The following ADAMTSL1 variants were observed in gnomAD, a reference collection of about 807,000 sequenced individuals.
ADAMTSL1 encodes the protein ADAMTS-like protein 1.
Under a neutral mutation model 201.8 loss-of-function variants are expected in ADAMTSL1, and 126 were observed. The observed-to-expected ratio is 0.62, with a 90% CI of 0.54 to 0.72. The LOEUF (loss-of-function observed/expected upper bound fraction) is 0.72. Among genes scored for constraint, ADAMTSL1 ranks in the 30% least tolerant of loss-of-function variants. The pLI, the probability that ADAMTSL1 is intolerant of heterozygous loss-of-function variation, is 0.00. For synonymous variants in ADAMTSL1, 1,121 were observed against 903.4 expected (o/e 1.24, Z -4.32); for missense variants, 2,679 against 2,277.8 (o/e 1.18, Z -3.59).
intron 21 of ADAMTSL1, among the ~76,000 whole-genome samples, chr9:18,824,913 G>T (rs1177229979): frequency 2.6e-5 from 4 of 151,940 alleles, no homozygotes; most frequent in South Asian, 4.2e-4. Flanking sequence ...GGTCAGACTG[G>T]TCTCAAACTC....
At chr9:18,315,701 C>T (rs4554575) in intron 2 of ADAMTSL1, among the ~76,000 whole-genome samples, 48,796 of 151,818 alleles carry the variant, frequency 0.32, 8,725 homozygotes, top group Admixed American at 0.51. Context: ...AGTTCCCGCC[C>T]GCGCCTCTCC....
intron 2 of ADAMTSL1, among the ~76,000 whole-genome samples, chr9:18,248,481 C>A (rs1226331967): frequency 1.3e-5 from 2 of 152,130 alleles, no homozygotes; most frequent in African/African-American, 4.8e-5. Context: ...TTGAGAAATA[C>A]TAAGTCTGAA....
intron 2 of ADAMTSL1, among the ~76,000 whole-genome samples, chr9:18,400,444 T>G: frequency 6.6e-6 from 1 of 152,198 alleles, no homozygotes; most frequent in East Asian, 1.9e-4. Context: ...TTATCAAACT[T>G]GGAAGGCCTT....
At chr9:18,649,413 T>A (rs968302493) in intron 7 of ADAMTSL1, among the ~76,000 whole-genome samples, 3 of 152,186 alleles carry the variant, frequency 2.0e-5, no homozygotes, top group Non-Finnish European at 2.9e-5. Context: ...CTGTCCAGCT[T>A]TGTTCCGTTG....
At chr9:18,474,413 T>C in intron 1 of ADAMTSL1, 118 bp downstream of exon 1, 1 of 990,828 alleles carries the variant, frequency 1.0e-6, no homozygotes, top group Non-Finnish European at 1.6e-6. Flanking sequence ...AAACTCCAGG[T>C]AAAATAATTT....
At chr9:18,201,232 T>G in intron 2 of ADAMTSL1, among the ~76,000 whole-genome samples, 1 of 152,120 alleles carries the variant, frequency 6.6e-6, no homozygotes, top group East Asian at 1.9e-4. Context: ...GCACATTGAC[T>G]TTGTTAAGGA....
intron 15 of ADAMTSL1, among the ~76,000 whole-genome samples, chr9:18,721,998 G>A (rs978630884): frequency 5.9e-5 from 9 of 152,180 alleles, no homozygotes; most frequent in Non-Finnish European, 7.3e-5. Context: ...CTTTTAGCCT[G>A]TGTCCTAAGC....
intron 2 of ADAMTSL1, among the ~76,000 whole-genome samples, chr9:18,222,629 AT>A (rs1830304195): frequency 7.1e-6 from 1 of 140,868 alleles, no homozygotes; most frequent in Non-Finnish European, 1.5e-5. Context: ...ATTTGTTTCA[AT>A]TTACTCATAT....
chr9:18,671,897 C>T (rs1016305541), intron 9 of ADAMTSL1, among the ~76,000 whole-genome samples: 4 of 151,888 alleles, frequency 2.6e-5, no homozygotes, highest in Non-Finnish European at 5.9e-5. Flanking sequence ...ATTATCCGGG[C>T]GTGGCGGCGG....
intron 19 of ADAMTSL1, among the ~76,000 whole-genome samples, chr9:18,783,196 C>A (rs1420873110): frequency 6.6e-6 from 1 of 152,202 alleles, no homozygotes; most frequent in African/African-American, 2.4e-5. Flanking sequence ...GAACACTTCT[C>A]TCCAGCAACT....
At chr9:18,125,213 C>T (rs547471848) in intron 1 of ADAMTSL1, among the ~76,000 whole-genome samples, 154 of 152,204 alleles carry the variant, frequency 1.0e-3, no homozygotes, top group African/African-American at 3.0e-3. Flanking sequence ...GCCTCTTACA[C>T]GGATGGCAGC....
chr9:18,664,323 G>A (rs1156829973), intron 9 of ADAMTSL1, among the ~76,000 whole-genome samples: 2 of 151,942 alleles, frequency 1.3e-5, no homozygotes, highest in Non-Finnish European at 2.9e-5. Context: ...AGATAGAATA[G>A]ACTCCAGAAA....
chr9:18,574,092 G>C lies in ADAMTSL1; in HGVS notation c.300G>C (p.Lys100Asn). 6.2e-7 allele frequency: 1 copy of C among 1,614,086 alleles called. No homozygotes were observed. The highest frequency in any genetic ancestry group is 1.1e-5 in the South Asian group (1 of 91,078). The change falls in exon 4 of 29, where the codon AAG (lysine) becomes AAC (asparagine). Residue 100 changes from lysine (K) to asparagine (N), a missense_variant. Coordinates refer to ENST00000380548, the MANE Select transcript of ADAMTSL1 (RefSeq NM_001040272.6). ...AATGCTCAGCTCATAATGATGTCAAGCACCATGGCCAGTTTTATGAATGGC... is the reference window on the plus strand; with the variant it reads ...AATGCTCAGCTCATAATGATGTCAACCACCATGGCCAGTTTTATGAATGGC... ...AQQCSAHNDVKHHGQFYEWLP... is the reference protein window; with the variant it reads ...AQQCSAHNDVNHHGQFYEWLP...
At chr9:18,588,904 C>CATATATATAT (rs1280236981) in intron 4 of ADAMTSL1, among the ~76,000 whole-genome samples, 8 of 124,598 alleles carry the variant, frequency 6.4e-5, no homozygotes, top group African/African-American at 1.8e-4. Context: ...TATATATATA[C>CATATATATAT]ATATATATAC....
At chr9:18,904,263 A>C (rs35275925) in intron 26 of ADAMTSL1, among the ~76,000 whole-genome samples, 23 of 151,790 alleles carry the variant, frequency 1.5e-4, no homozygotes, top group Admixed American at 1.5e-3. Context: ...GAGGTCAAGA[A>C]TTCAAAACCA....
intron 9 of ADAMTSL1, among the ~76,000 whole-genome samples, chr9:18,662,755 A>G (rs1387138765): frequency 6.6e-6 from 1 of 152,240 alleles, no homozygotes; most frequent in East Asian, 1.9e-4. Context: ...TGCCTGATGA[A>G]TGAATTATCT....
At chr9:18,816,172 C>A (rs753170446) in intron 20 of ADAMTSL1, among the ~76,000 whole-genome samples, 2 of 152,224 alleles carry the variant, frequency 1.3e-5, no homozygotes, top group Non-Finnish European at 2.9e-5. Context: ...CTGTTAACCA[C>A]TATGCTACTC....
intron 15 of ADAMTSL1, among the ~76,000 whole-genome samples, chr9:18,752,588 A>G (rs1410372803): frequency 6.6e-6 from 1 of 152,192 alleles, no homozygotes; most frequent in African/African-American, 2.4e-5. Flanking sequence ...TTAGCTCACT[A>G]TAAACGTACT....
At chr9:18,668,672 A>G (rs1464101255) in intron 9 of ADAMTSL1, among the ~76,000 whole-genome samples, 2 of 152,178 alleles carry the variant, frequency 1.3e-5, no homozygotes, top group East Asian at 3.8e-4. Flanking sequence ...TAACTGTGAG[A>G]ATTAATAAGA....
Sources: allele counts gnomAD v4.1 joint callset (sites outside exome capture counted in the v4.1 genomes callset), GRCh38; gene constraint gnomAD v4.1.1; transcripts MANE v1.5; gene names NCBI Gene and HGNC (gene_info 2026-07-23, HGNC 2026-07-21).